Variants in PCDH11X observed in about 807,000 individuals in gnomAD.
PCDH11X encodes protocadherin 11 X-linked, also known as protocadherin-11 X-linked.
In PCDH11X, 18 loss-of-function variants were observed where a neutral mutation model predicts 53.3. The ratio of observed to expected loss-of-function variants is 0.34; its 90% CI spans 0.23 to 0.50. The LOEUF is 0.50. Ranked by LOEUF, PCDH11X falls within the 20% of genes least tolerant of loss-of-function variation. The pLI is 0.98. For synonymous variants in PCDH11X, 279 were observed against 393.3 expected (o/e 0.71, Z 3.44); for missense variants, 570 against 1,032.4 (o/e 0.55, Z 6.14).
At chrX:92,261,946 A>G (rs62598531) in intron 7 of PCDH11X, among the ~76,000 whole-genome samples, 4,477 of 111,336 alleles carry the variant, frequency 0.04, 115 homozygotes, top group East Asian at 0.23. Context: ...TGATCGATGC[A>G]GAGAGATTAT....
chrX:92,394,040 C>T (rs752507430), intron 9 of PCDH11X, among the ~76,000 whole-genome samples: 1 of 110,684 alleles, frequency 9.0e-6, no homozygotes, highest in East Asian at 2.8e-4. Context: ...TATTCAACTT[C>T]CCTATATAAG....
Position 92,554,432 on chromosome X carries a change from G to A in PCDH11X, c.3368-63832G>A, listed in dbSNP as rs746351286. ...TATTTTTAAAAATTTTATGGGTACA[G>A]GGTAGGTGTATTTATTTATGGGGAA... On this transcript the variant is annotated intron_variant, in intron 10 of 10. Transcript: ENST00000682573. Among the ~76,000 whole-genome samples, 29 of 109,327 alleles carry A rather than the reference G, an allele frequency of 2.7e-4. No individual in the cohort carries two copies. The East Asian group carries it at 8.0e-3, about 30-fold the overall frequency. The allele number at this position is 109,327 out of a possible 115,157, so 94.9% of individuals were successfully genotyped here. A position where few individuals can be genotyped will look rare whatever the true frequency, so the allele number is the denominator to read the frequency against.
chrX:92,613,666 G>T, intron 10 of PCDH11X, among the ~76,000 whole-genome samples: 1 of 107,333 alleles, frequency 9.3e-6, no homozygotes, highest in East Asian at 3.0e-4. Flanking sequence ...TGGATTTTTT[G>T]AATCTGGATA....
chrX:92,172,541 C>T (rs1201644951), intron 6 of PCDH11X, among the ~76,000 whole-genome samples: 1 of 108,930 alleles, frequency 9.2e-6, no homozygotes, highest in Admixed American at 1.0e-4. Flanking sequence ...AGGTGTGTGC[C>T]ACCATGCCCA....
intron 10 of PCDH11X, among the ~76,000 whole-genome samples, chrX:92,480,809 G>A (rs1246530736): frequency 8.9e-6 from 1 of 111,811 alleles, no homozygotes; most frequent in East Asian, 2.8e-4. Flanking sequence ...AGTGGCAGTG[G>A]GATCTGTCCT....
chrX:91,782,592 G>A (rs1193289638), intron 1 of PCDH11X, among the ~76,000 whole-genome samples: 1 of 107,902 alleles, frequency 9.3e-6, no homozygotes, highest in Non-Finnish European at 1.9e-5. Context: ...ATTGTGAGGT[G>A]GGGGAGGGTT....
Position 91,881,340 on chromosome X carries a change from G to A in PCDH11X, c.3033+2067G>A, listed in dbSNP as rs186258712. Among the ~76,000 whole-genome samples the A allele has an allele frequency of 4.6e-3, 515 of 111,181 alleles. 4 individuals are homozygous for A. Among genetic ancestry groups the A allele is most frequent in the African/African-American group, 0.016 (498 of 30,761 alleles). On this transcript the variant is annotated intron_variant, in intron 6 of 10. Transcript: ENST00000682573. ...TAAGAATTAGTCAAAATACAAAAAA[G>A]TAAATGCTAATGAGAATCAGTTATT... is the stretch of plus-strand genomic sequence containing the variant.
chrX:92,151,771 T>G (rs1330815823), intron 6 of PCDH11X, among the ~76,000 whole-genome samples: 2 of 111,504 alleles, frequency 1.8e-5, no homozygotes, highest in Non-Finnish European at 3.8e-5. Flanking sequence ...TGAACAAAGC[T>G]TAGAGTTCAT....
chrX:92,406,044 G>A (rs1217760654), intron 9 of PCDH11X, among the ~76,000 whole-genome samples: 1 of 94,472 alleles, frequency 1.1e-5, no homozygotes, highest in African/African-American at 4.0e-5. Flanking sequence ...GCAGTGAGCC[G>A]AGATCTATCA....
intron 7 of PCDH11X, among the ~76,000 whole-genome samples, chrX:92,218,016 A>G (rs1569426491): frequency 9.1e-6 from 1 of 109,729 alleles, no homozygotes; most frequent in Non-Finnish European, 1.9e-5. Context: ...GAGAACAAAG[A>G]CACAACATAC....
intron 9 of PCDH11X, among the ~76,000 whole-genome samples, chrX:92,422,908 G>C (rs769847005): frequency 9.2e-6 from 1 of 108,589 alleles, no homozygotes; most frequent in African/African-American, 3.3e-5. Context: ...GAGTGCAGTG[G>C]CACGATATCG....
At chrX:92,279,063 G>A (rs1006720069) in intron 8 of PCDH11X, among the ~76,000 whole-genome samples, 23 of 110,853 alleles carry the variant, frequency 2.1e-4, no homozygotes, top group Non-Finnish European at 3.2e-4. Context: ...CACCTGCCTC[G>A]GCCTCCCAAA....
In PCDH11X at chrX:92,403,247, A is replaced by G. The variant is rs968786042; in HGVS notation, c.3343+15314A>G. Among the ~76,000 whole-genome samples, 29 of 106,706 alleles carry G rather than the reference A, an allele frequency of 2.7e-4. No homozygotes were observed. In the Admixed American group the frequency reaches 3.0e-3, roughly 11 times the overall value. The allele number at this position is 106,706 out of a possible 115,157, so 92.7% of individuals were successfully genotyped here. On this transcript the variant is annotated intron_variant, in intron 9 of 10. Coordinates refer to ENST00000682573, the MANE Select transcript of PCDH11X (RefSeq NM_032968.5). ...AACTCCTATTTTGTTTCAAAACATC[A>G]TGAGTTGTTTCATGTGTCATTACTG...
intron 6 of PCDH11X, among the ~76,000 whole-genome samples, chrX:92,120,569 A>T (rs2064740016): frequency 8.9e-6 from 1 of 112,843 alleles, no homozygotes; most frequent in South Asian, 3.6e-4. Context: ...TCAAATGCTA[A>T]TTGTCGAATT....
intron 6 of PCDH11X, among the ~76,000 whole-genome samples, chrX:91,966,125 C>T (rs35759563): frequency 9.2e-6 from 1 of 108,996 alleles, no homozygotes; most frequent in Non-Finnish European, 1.9e-5. Context: ...ATCTGGATGC[C>T]CTGATCTGGT....
At chrX:92,209,467 A>G (rs1317601116) in intron 7 of PCDH11X, among the ~76,000 whole-genome samples, 1 of 112,389 alleles carries the variant, frequency 8.9e-6, no homozygotes, top group Non-Finnish European at 1.9e-5. Context: ...CTGCAAAATA[A>G]TTACCTTTAT....
chrX:92,575,936 T>C (rs1165697299), intron 10 of PCDH11X, among the ~76,000 whole-genome samples: 716 of 26,176 alleles, frequency 0.027, 33 homozygotes, highest in African/African-American at 0.096. Context: ...TATATATATA[T>C]ATATATATAC....
intron 9 of PCDH11X, among the ~76,000 whole-genome samples, chrX:92,446,153 TAAAA>T (rs4020634): frequency 3.2e-5 from 3 of 92,682 alleles, no homozygotes; most frequent in African/African-American, 1.1e-4. Context: ...AAAGCAGAAT[TAAAA>T]AAAAAAAAAA....
chrX:91,917,879 A>G (rs1474761956), intron 6 of PCDH11X, among the ~76,000 whole-genome samples: 1 of 108,085 alleles, frequency 9.3e-6, no homozygotes, highest in Non-Finnish European at 1.9e-5. Flanking sequence ...AGCAAGACTA[A>G]GCAAAAATAA....
Sources: gnomAD v4.1 joint callset for allele counts (sites outside exome capture counted in the v4.1 genomes callset) on GRCh38, gnomAD v4.1.1 for gene constraint, MANE v1.5 for transcripts, NCBI Gene and HGNC (gene_info 2026-07-23, HGNC 2026-07-21) for gene names.